SMAD2: variants seen among roughly 807,000 people sequenced by gnomAD.
SMAD2 encodes the protein MAD homolog 2.
SMAD2 carries 8 observed loss-of-function variants against 64.4 expected under a neutral mutation model. The observed-to-expected ratio is 0.12, with a 90% CI of 0.07 to 0.22. SMAD2 has a LOEUF of 0.22. Among genes scored for constraint, SMAD2 ranks in the 10% least tolerant of loss-of-function variants. The pLI, the probability that SMAD2 is intolerant of heterozygous loss-of-function variation, is 1.00. For missense variants in SMAD2, 289 were observed against 561.2 expected (o/e 0.51, Z 4.90); for synonymous variants, 203 against 195.8 (o/e 1.04, Z -0.31).
intron 1 of SMAD2, among the ~76,000 whole-genome samples, chr18:47,915,519 C>A (rs964293560): frequency 2.0e-5 from 3 of 152,054 alleles, no homozygotes; most frequent in African/African-American, 7.2e-5. Context: ...CATTTTATAC[C>A]ATGTAAAAGC....
At chr18:47,902,756 T>C (rs962314311) in intron 1 of SMAD2, among the ~76,000 whole-genome samples, 1 of 152,074 alleles carries the variant, frequency 6.6e-6, no homozygotes, top group South Asian at 2.1e-4. Flanking sequence ...TGAACCAGAG[T>C]TGAGGATACA....
At chr18:47,918,737 G>GCTTGATAGCT (rs59096565) in intron 1 of SMAD2, among the ~76,000 whole-genome samples, 82,410 of 151,454 alleles carry the variant, frequency 0.54, 22,822 homozygotes, top group East Asian at 0.84. Flanking sequence ...CTCTTGCATA[G>GCTTGATAGCT]CTTGACAGCA....
At chr18:47,913,993 A>C (rs1598886825) in intron 1 of SMAD2, among the ~76,000 whole-genome samples, 1 of 152,330 alleles carries the variant, frequency 6.6e-6, no homozygotes, top group East Asian at 1.9e-4. Flanking sequence ...TTCTACGATT[A>C]CTCACCGGAA....
At chr18:47,904,296 C>T (rs1283633866) in intron 1 of SMAD2, among the ~76,000 whole-genome samples, 3 of 150,352 alleles carry the variant, frequency 2.0e-5, no homozygotes, top group African/African-American at 7.4e-5. Context: ...GAAAGTCTAC[C>T]AAACCCAAGG....
chr18:47,925,023 TC>T (rs1212751376), intron 1 of SMAD2, among the ~76,000 whole-genome samples: 1 of 152,212 alleles, frequency 6.6e-6, no homozygotes, highest in Non-Finnish European at 1.5e-5. Flanking sequence ...CCAAGATTAT[TC>T]CTACTGAATA....
chr18:47,853,540 A>G (rs952602298), intron 6 of SMAD2: 2 of 184,658 alleles, frequency 1.1e-5, no homozygotes, highest in Non-Finnish European at 2.2e-5. Flanking sequence ...GAAAAAAAAA[A>G]AAGAGTAAGA....
At position 47,853,352 on chromosome 18, in the gene SMAD2, C is replaced by T. The variant is rs570209345; in HGVS notation, c.731-2025G>A. 4.1e-3 allele frequency: 885 copies of T among 216,270 alleles called. 92 individuals carry two copies. The highest frequency in any genetic ancestry group is 0.029 in the African/African-American group (806 of 27,652). 13.4% of individuals were successfully genotyped at this position (216,270 alleles called of 1,614,324 possible). A position where few individuals can be genotyped will look rare whatever the true frequency, so the allele number is the denominator to read the frequency against. On this transcript the variant is annotated intron_variant, in intron 6 of 10. Transcript: ENST00000262160. ...GTGGGGACAGCTCATGAGTGTAAGA[C>T]GTCTTGTGATGTAATTATTATACGA...
In SMAD2 at chr18:47,821,340, T is replaced by C. The variant is rs1419611275; in HGVS notation, c.*20487A>G. 6.6e-6 allele frequency: 1 copy of C among 152,186 alleles called. No homozygotes were observed. Among genetic ancestry groups the C allele is most frequent in the African/African-American group, 2.4e-5 (1 of 41,442 alleles). The allele number at this position is 152,186 out of a possible 1,614,324, so 9.4% of individuals were successfully genotyped here. Reference sequence around the variant, plus strand: ...CTTTTTCATTAGCTCCTGTAACTTTTTTCCTCTGGTTCTAACTCTTGCTGT... The same window carrying C: ...CTTTTTCATTAGCTCCTGTAACTTTCTTCCTCTGGTTCTAACTCTTGCTGT... On this transcript the variant is annotated 3_prime_UTR_variant, in exon 11 of 11. Coordinates refer to ENST00000262160, the MANE Select transcript of SMAD2 (RefSeq NM_005901.6).
In SMAD2 at chr18:47,828,326, C is replaced by T. The variant is rs987078140; in HGVS notation, c.*13501G>A. The stretch of plus-strand genomic sequence containing the variant: ...CGTTCGGGAGGTGGGGGGCAGCCCC[C>T]GGCCAGCATCCACCCCGTCCGGGAG... On this transcript the variant is annotated 3_prime_UTR_variant, in exon 11 of 11. Transcript: ENST00000262160. The T allele has an allele frequency of 6.5e-5, 10 of 152,748 alleles. No individual in the cohort carries two copies. The highest frequency in any genetic ancestry group is 1.1e-4 in the Non-Finnish European group (8 of 69,984). The allele number at this position is 152,748 out of a possible 1,614,324, so 9.5% of individuals were successfully genotyped here. A position where few individuals can be genotyped will look rare whatever the true frequency, so the allele number is the denominator to read the frequency against.
At chr18:47,865,197 T>C (rs1431983779) in intron 5 of SMAD2, 64 bp from the exon 6 acceptor site, 1 of 846,840 alleles carries the variant, frequency 1.2e-6, no homozygotes, top group African/African-American at 1.7e-5. Flanking sequence ...TTCTCTCAGC[T>C]ACCAGAGATA....
chr18:47,854,116 CTGA>C (rs2030428788), intron 6 of SMAD2, among the ~76,000 whole-genome samples: 3 of 151,404 alleles, frequency 2.0e-5, no homozygotes, highest in South Asian at 4.2e-4. Context: ...AGGCAACGAA[CTGA>C]TGATTAGCCT....
At position 47,829,083 on chromosome 18, in the gene SMAD2, T is replaced by C. The variant is rs1403515787; in HGVS notation, c.*12744A>G. The C allele has an allele frequency of 1.3e-5, 2 of 152,044 alleles. No individual in the cohort carries two copies. Among genetic ancestry groups the C allele is most frequent in the Non-Finnish European group, 2.9e-5 (2 of 68,050 alleles). The allele number at this position is 152,044 out of a possible 1,614,324, so 9.4% of individuals were successfully genotyped here. ...CTCCAGGCAGCCCCATGAGCTTCCC[T>C]GTGAATGAGAACAGAAAAAGTTCAG... On this transcript the variant is annotated 3_prime_UTR_variant, in exon 11 of 11. Transcript: ENST00000262160.
At chr18:47,873,195 G>GT (rs1296720300) in intron 2 of SMAD2, among the ~76,000 whole-genome samples, 1 of 152,050 alleles carries the variant, frequency 6.6e-6, no homozygotes. Context: ...GTATGAGTGG[G>GT]AAATCCTAGA....
chr18:47,922,012 G>A (rs1443788329), intron 1 of SMAD2, among the ~76,000 whole-genome samples: 1 of 152,162 alleles, frequency 6.6e-6, no homozygotes, highest in African/African-American at 2.4e-5. Flanking sequence ...CAGTTCATCC[G>A]GAAGGCCAGT....
chr18:47,856,307 T>C (rs1459553397), intron 6 of SMAD2, among the ~76,000 whole-genome samples: 3 of 152,160 alleles, frequency 2.0e-5, no homozygotes, highest in African/African-American at 4.8e-5. Flanking sequence ...TATTGTGTTG[T>C]ATACTGGAAA....
In SMAD2 at chr18:47,810,297, C is replaced by G. The variant is rs1912161532; in HGVS notation, c.*31530G>C. ...CCAAACCTCCTGAGCCTTCTCCTTG[C>G]CCCCTTCCCACCTCTTCCCTACCAC... On this transcript the variant is annotated 3_prime_UTR_variant, in exon 11 of 11. Coordinates refer to ENST00000262160, the MANE Select transcript of SMAD2 (RefSeq NM_005901.6). 1 of 152,716 alleles carries G rather than the reference C, an allele frequency of 6.5e-6. No homozygotes were observed. The highest frequency in any genetic ancestry group is 1.5e-5 in the Non-Finnish European group (1 of 68,250). 9.5% of individuals were successfully genotyped at this position (152,716 alleles called of 1,614,324 possible).
chr18:47,865,641 C>T (rs1012567242), intron 5 of SMAD2, among the ~76,000 whole-genome samples: 1 of 152,132 alleles, frequency 6.6e-6, no homozygotes, highest in Non-Finnish European at 1.5e-5. Context: ...AGTATGGTTC[C>T]GGATTGGTCC....
intron 6 of SMAD2, among the ~76,000 whole-genome samples, chr18:47,855,284 G>A (rs2030567263): frequency 6.6e-6 from 1 of 152,158 alleles, no homozygotes; most frequent in Non-Finnish European, 1.5e-5. Context: ...TTGCTTCCAA[G>A]TTTTGGAAAT....
chr18:47,845,065 C>A, intron 10 of SMAD2: 1 of 583,280 alleles, frequency 1.7e-6, no homozygotes, highest in Admixed American at 3.2e-5. Context: ...CTTCCATAAA[C>A]TGACATAACC....
Sources: allele counts gnomAD v4.1 joint callset (sites outside exome capture counted in the v4.1 genomes callset), GRCh38; gene constraint gnomAD v4.1.1; transcripts MANE v1.5; gene names NCBI Gene and HGNC (gene_info 2026-07-23, HGNC 2026-07-21).